The following LIPJ variants were observed in gnomAD, a reference collection of about 807,000 sequenced individuals.
LIPJ encodes the protein lipase member J.
Under a neutral mutation model 39.8 loss-of-function variants are expected in LIPJ, and 33 were observed. That is an observed-to-expected ratio of 0.83 (90% CI 0.63 to 1.11). LIPJ has a LOEUF of 1.11. Among genes scored for constraint, LIPJ ranks in the 50% least tolerant of loss-of-function variants. LIPJ has a pLI of 0.00. For missense variants in LIPJ, 422 were observed against 427.9 expected (o/e 0.99, Z 0.12); for synonymous variants, 128 against 139.2 (o/e 0.92, Z 0.57).
intron 10 of LIPJ, 44 bp from the exon 11 acceptor site, chr10:88,606,630 T>C: frequency 8.6e-7 from 1 of 1,165,954 alleles, no homozygotes; most frequent in Non-Finnish European, 1.3e-6. Context: ...CCTTCTACTG[T>C]ATCATCTCCT....
chr10:88,591,155 T>G (rs1851067751), intron 3 of LIPJ, among the ~76,000 whole-genome samples: 1 of 151,770 alleles, frequency 6.6e-6, no homozygotes, highest in South Asian at 2.1e-4. Context: ...TTTATTTATT[T>G]TATTCTTTCA....
the LIPJ span, among the ~76,000 whole-genome samples, chr10:88,617,032 A>G: frequency 6.6e-6 from 1 of 152,128 alleles, no homozygotes; most frequent in African/African-American, 2.4e-5. Context: ...CCCTTCATGG[A>G]GTTCTGCTTT....
upstream of LIPJ, chr10:88,583,048 A>G: frequency 6.2e-7 from 1 of 1,603,208 alleles, no homozygotes; most frequent in Non-Finnish European, 8.5e-7. Flanking sequence ...CTCTTTTCCC[A>G]GGTTTTGGCG....
upstream of LIPJ, chr10:88,585,596 A>G (rs1850882925): frequency 6.6e-6 from 1 of 152,160 alleles, no homozygotes; most frequent in African/African-American, 2.4e-5. Context: ...AATTGCCAAA[A>G]AACGAATTCA....
the LIPJ span, among the ~76,000 whole-genome samples, chr10:88,621,209 T>C: frequency 6.6e-6 from 1 of 152,154 alleles, no homozygotes. Context: ...TGTAGGCAAA[T>C]GTTTATAGCA....
chr10:88,595,484 C>T (rs550666202), intron 6 of LIPJ, among the ~76,000 whole-genome samples: 1 of 151,582 alleles, frequency 6.6e-6, no homozygotes, highest in Non-Finnish European at 1.5e-5. Flanking sequence ...TGTTGAGTAA[C>T]AATCTAATCC....
intron 8 of LIPJ, among the ~76,000 whole-genome samples, chr10:88,601,764 T>C (rs932528105): frequency 3.9e-5 from 6 of 152,242 alleles, no homozygotes. Flanking sequence ...TTTTCATTTT[T>C]GCTTGTTCTT....
intron 2 of LIPJ, among the ~76,000 whole-genome samples, chr10:88,589,233 A>G (rs1378593549): frequency 6.6e-6 from 1 of 151,884 alleles, no homozygotes; most frequent in Non-Finnish European, 1.5e-5. Context: ...CAGACAGAGA[A>G]AATATTTCTT....
At chr10:88,597,722 A>T (rs2134562141) in intron 8 of LIPJ, among the ~76,000 whole-genome samples, 1 of 152,092 alleles carries the variant, frequency 6.6e-6, no homozygotes, top group Non-Finnish European at 1.5e-5. Context: ...ATGCTATAAG[A>T]AACTCAGTTC....
the LIPJ span, among the ~76,000 whole-genome samples, chr10:88,614,171 G>A: frequency 1.3e-5 from 2 of 151,874 alleles, no homozygotes; most frequent in Non-Finnish European, 2.9e-5. Context: ...AAATATTTTA[G>A]TAATAATATT....
upstream of LIPJ, chr10:88,583,400 C>A: frequency 7.3e-7 from 1 of 1,377,502 alleles, no homozygotes; most frequent in Non-Finnish European, 9.4e-7. Flanking sequence ...AGGAGCAAAC[C>A]TGGGGCTGCG....
chr10:88,608,331 G>A (rs181656627), downstream of LIPJ, among the ~76,000 whole-genome samples: 3 of 152,324 alleles, frequency 2.0e-5, no homozygotes, highest in East Asian at 3.9e-4. Context: ...TGTTGTTAAC[G>A]AGGGAGGCTA....
chr10:88,613,771 T>C, the LIPJ span, among the ~76,000 whole-genome samples: 3 of 20,702 alleles, frequency 1.4e-4, no homozygotes, highest in Non-Finnish European at 4.0e-4. Context: ...TGTGTGTGTG[T>C]ATATATATAT....
At chr10:88,609,135 C>T (rs531239241), downstream of LIPJ, among the ~76,000 whole-genome samples, 1 of 152,244 alleles carries the variant, frequency 6.6e-6, no homozygotes, top group Admixed American at 6.5e-5. Context: ...TTGTCCAATT[C>T]TTTGTTCAAA....
At chr10:88,595,793 C>T (rs987492347) in intron 6 of LIPJ, among the ~76,000 whole-genome samples, 3 of 151,428 alleles carry the variant, frequency 2.0e-5, no homozygotes, top group African/African-American at 4.8e-5. Flanking sequence ...GACTATTTTT[C>T]ACATTAATGC....
the LIPJ span, among the ~76,000 whole-genome samples, chr10:88,621,782 A>G: frequency 6.6e-6 from 1 of 152,182 alleles, no homozygotes; most frequent in Admixed American, 6.5e-5. Flanking sequence ...GACCTAAGGA[A>G]AAGTCAGTGT....
At chr10:88,596,841 A>T (rs1409136) in exon 8 of LIPJ, 10 of 1,600,648 alleles carry the variant, frequency 6.2e-6, no homozygotes, top group Admixed American at 1.7e-5. Context: ...TAAAAAATTC[A>T]TTGGTTCAAA....
intron 9 of LIPJ, 26 bp from the exon 10 acceptor site, chr10:88,605,607 G>C: frequency 6.6e-7 from 1 of 1,516,962 alleles, no homozygotes; most frequent in Non-Finnish European, 9.1e-7. Context: ...CAAATGATAT[G>C]GTCTTATTTT....
At chr10:88,619,521 A>G in the LIPJ span, among the ~76,000 whole-genome samples, 14 of 150,394 alleles carry the variant, frequency 9.3e-5, no homozygotes, top group Admixed American at 4.6e-4. Context: ...AGAATTGGTT[A>G]TGGCTTTGGC....
Sources: gnomAD v4.1 joint callset for allele counts (sites outside exome capture counted in the v4.1 genomes callset) on GRCh38, gnomAD v4.1.1 for gene constraint, MANE v1.5 for transcripts, NCBI Gene and HGNC (gene_info 2026-07-23, HGNC 2026-07-21) for gene names.